Variants in TAOK3 observed in about 807,000 individuals in gnomAD.
The protein encoded by TAOK3 is TAO kinase 3, also known as serine/threonine-protein kinase TAO3.
Under a neutral mutation model 120.4 loss-of-function variants are expected in TAOK3, and 40 were observed. The observed-to-expected ratio is 0.33, with a 90% CI of 0.26 to 0.43. The LOEUF is 0.43. Among genes scored for constraint, TAOK3 ranks in the 20% least tolerant of loss-of-function variants. The pLI, the probability that TAOK3 is intolerant of heterozygous loss-of-function variation, is 1.00. For synonymous variants in TAOK3, 355 were observed against 387.5 expected, an observed-to-expected ratio of 0.92 and a Z score of 0.99; for missense variants, 821 against 1,112.1, an observed-to-expected ratio of 0.74 and a Z score of 3.72.
At chr12:118,166,037 T>C (rs1429241323) in intron 17 of TAOK3, among the ~76,000 whole-genome samples, 1 of 152,208 alleles carries the variant, frequency 6.6e-6, no homozygotes, top group East Asian at 1.9e-4. Flanking sequence ...TTTAATGTGC[T>C]TTCCATTTTT....
At chr12:118,250,044 T>C (rs1013221449) in intron 3 of TAOK3, among the ~76,000 whole-genome samples, 9 of 152,166 alleles carry the variant, frequency 5.9e-5, no homozygotes, top group Admixed American at 2.6e-4. Flanking sequence ...AAAATGAACA[T>C]GCGCAGTCCT....
chr12:118,191,265 T>G (rs1202643044), intron 13 of TAOK3, among the ~76,000 whole-genome samples: 1 of 152,224 alleles, frequency 6.6e-6, no homozygotes, highest in Admixed American at 6.5e-5. Flanking sequence ...AATGCTTTGA[T>G]GTATTGGGAA....
intron 9 of TAOK3, among the ~76,000 whole-genome samples, chr12:118,223,124 C>A (rs1206592333): frequency 1.4e-5 from 2 of 139,438 alleles, no homozygotes; most frequent in Non-Finnish European, 3.0e-5. Flanking sequence ...GGCTGGAGTG[C>A]AGCGGCGTGA....
chr12:118,279,642 G>A (rs908139334), intron 1 of TAOK3, among the ~76,000 whole-genome samples: 9 of 149,588 alleles, frequency 6.0e-5, no homozygotes, highest in African/African-American at 2.2e-4. Context: ...GGAGTGCAGT[G>A]GTACAATCTT....
At chr12:118,244,802 A>G (rs2040417767) in intron 4 of TAOK3, 92 bp downstream of exon 4, 2 of 867,542 alleles carry the variant, frequency 2.3e-6, no homozygotes, top group Admixed American at 3.7e-5. Context: ...TGCTGGGATT[A>G]CAGGCGTGAA....
At chr12:118,225,822 A>T (rs1232394565) in intron 9 of TAOK3, among the ~76,000 whole-genome samples, 1 of 152,260 alleles carries the variant, frequency 6.6e-6, no homozygotes, top group Non-Finnish European at 1.5e-5. Flanking sequence ...TTGATTAATC[A>T]CAATCTGTCC....
intron 5 of TAOK3, among the ~76,000 whole-genome samples, chr12:118,239,592 G>A (rs1295336812): frequency 6.6e-6 from 1 of 152,126 alleles, no homozygotes; most frequent in Non-Finnish European, 1.5e-5. Context: ...AAGGATTCAG[G>A]TGACTATGTT....
In TAOK3 at chr12:118,313,656, T is replaced by C. The variant is rs570056773; in HGVS notation, c.-193-46897A>G. On this transcript the variant is annotated intron_variant, in intron 1 of 20. Coordinates refer to ENST00000392533, the MANE Select transcript of TAOK3 (RefSeq NM_016281.4). ...GGGTTTTATTTTGTCAAAAGTAACC[T>C]CATGGTAAGGTTGTATCAGACACTT... Among the ~76,000 whole-genome samples, 5 of 152,324 alleles carry C rather than the reference T, an allele frequency of 3.3e-5. No individual in the cohort carries two copies. In the East Asian group the frequency reaches 9.6e-4, roughly 29 times the overall value.
chr12:118,300,093 C>G (rs997478407), intron 1 of TAOK3, among the ~76,000 whole-genome samples: 10 of 152,292 alleles, frequency 6.6e-5, no homozygotes, highest in African/African-American at 1.4e-4. Flanking sequence ...TCTAGAATAT[C>G]AGCAGGGAAA....
rs755964787 is a variant in TAOK3, at chr12:118,244,953, G to A, written c.133C>T (p.His45Tyr). 1.7e-5 allele frequency: 28 copies of A among 1,607,554 alleles called. No homozygotes were observed. In the South Asian group the frequency reaches 3.1e-4, roughly 18 times the overall value. Residue 45 changes from histidine to tyrosine, a missense_variant, in exon 4 of 21, where the codon CAC becomes TAC. By Grantham distance (83) the His-to-Tyr change is moderately conservative. Transcript: ENST00000392533. ...TTAATTGCCACCACCTCACTGGTGT[G>A]AGCATTTGTAGCCTGTGTTAAGAGG... ...FGAVYFATNAHTSEVVAIKKM... is the reference protein window; with the variant it reads ...FGAVYFATNAYTSEVVAIKKM...
chr12:118,243,986 G>A (rs2040367739), intron 4 of TAOK3, among the ~76,000 whole-genome samples: 1 of 151,856 alleles, frequency 6.6e-6, no homozygotes, highest in Admixed American at 6.6e-5. Context: ...GCCTAAACAT[G>A]CCATTTCTTT....
intron 1 of TAOK3, among the ~76,000 whole-genome samples, chr12:118,285,867 G>A (rs1392359456): frequency 6.6e-6 from 1 of 152,164 alleles, no homozygotes; most frequent in Non-Finnish European, 1.5e-5. Context: ...ATCAACATAT[G>A]CAAGATGAAT....
chr12:118,195,263 C>T (rs1644388130), intron 13 of TAOK3, among the ~76,000 whole-genome samples: 1 of 152,084 alleles, frequency 6.6e-6, no homozygotes, highest in African/African-American at 2.4e-5. Context: ...TAATAGAAGG[C>T]AGCAACAGGC....
intron 11 of TAOK3, among the ~76,000 whole-genome samples, chr12:118,209,246 G>A (rs2038493724): frequency 6.6e-6 from 1 of 152,086 alleles, no homozygotes; most frequent in South Asian, 2.1e-4. Flanking sequence ...AAATCAGGGT[G>A]GAACGGTTTT....
intron 7 of TAOK3, among the ~76,000 whole-genome samples, 162 bp downstream of exon 7, chr12:118,237,911 C>T (rs1468028384): frequency 2.6e-5 from 4 of 152,100 alleles, no homozygotes; most frequent in African/African-American, 9.7e-5. Context: ...GAGATAGAAG[C>T]TAAATTCTGG....
At chr12:118,156,224 C>G (rs774319249) in intron 19 of TAOK3, among the ~76,000 whole-genome samples, 6 of 152,200 alleles carry the variant, frequency 3.9e-5, no homozygotes, top group Non-Finnish European at 7.3e-5. Context: ...CCCTCTACTT[C>G]TACCGCTCAC....
At chr12:118,274,283 A>G (rs533371716) in intron 1 of TAOK3, among the ~76,000 whole-genome samples, 17 of 152,176 alleles carry the variant, frequency 1.1e-4, no homozygotes, top group Non-Finnish European at 2.2e-4. Context: ...TTATGCCACT[A>G]TGGTTCTATA....
chr12:118,179,932 C>T (rs1299457721), intron 15 of TAOK3, among the ~76,000 whole-genome samples: 1 of 146,780 alleles, frequency 6.8e-6, no homozygotes, highest in Non-Finnish European at 1.5e-5. Context: ...AGGCATGAGC[C>T]ACCATGCCTG....
intron 9 of TAOK3, among the ~76,000 whole-genome samples, chr12:118,215,447 G>A (rs1006026914): frequency 2.6e-5 from 4 of 151,812 alleles, no homozygotes; most frequent in African/African-American, 9.7e-5. Context: ...GAGAGGCAGA[G>A]CTTGCAGTAA....
Sources: gnomAD v4.1 joint callset for allele counts (sites outside exome capture counted in the v4.1 genomes callset) on GRCh38, gnomAD v4.1.1 for gene constraint, MANE v1.5 for transcripts, NCBI Gene and HGNC (gene_info 2026-07-23, HGNC 2026-07-21) for gene names.